CCSER1: variants seen among roughly 807,000 people sequenced by gnomAD.
CCSER1 encodes coiled-coil serine rich protein 1.
Under a neutral mutation model 82.0 loss-of-function variants are expected in CCSER1, and 41 were observed. The ratio of observed to expected loss-of-function variants is 0.50; its 90% CI spans 0.39 to 0.65. The LOEUF is 0.65. Ranked by LOEUF, CCSER1 falls within the 30% of genes least tolerant of loss-of-function variation. The probability of loss-of-function intolerance (pLI) is 0.00; values close to 1 mark genes in which losing one functional copy is unlikely to be tolerated. For missense variants in CCSER1, 1,119 were observed against 1,064.2 expected (o/e 1.05, Z -0.72); for synonymous variants, 414 against 383.9 (o/e 1.08, Z -0.92).
At chr4:90,735,030 GA>G (rs1227272010) in intron 7 of CCSER1, among the ~76,000 whole-genome samples, 1 of 152,052 alleles carries the variant, frequency 6.6e-6, no homozygotes, top group Non-Finnish European at 1.5e-5. Context: ...TTTTTATCAT[GA>G]AAGAGTGTGG....
chr4:91,441,563 G>A (rs1438038355), intron 10 of CCSER1, among the ~76,000 whole-genome samples: 2 of 152,150 alleles, frequency 1.3e-5, no homozygotes, highest in African/African-American at 4.8e-5. Flanking sequence ...ACTGGCACAA[G>A]ACAGGGATGC....
At chr4:90,856,214 A>G (rs373087960) in intron 8 of CCSER1, among the ~76,000 whole-genome samples, 8 of 152,122 alleles carry the variant, frequency 5.3e-5, no homozygotes, top group South Asian at 2.1e-4. Flanking sequence ...AATGGAGCAG[A>G]TGGAGTAGCT....
rs114382415 is a variant in CCSER1, at chr4:91,280,299, G to A, written c.2217+194305G>A. On this transcript the variant is annotated intron_variant, in intron 10 of 10. Transcript: ENST00000509176. ...GTGGGAAGTTTCTTGGGCCTCTGGA[G>A]ACCACCCAAGTTGGTATTGCATGGG... 1.5e-3 allele frequency among the ~76,000 whole-genome samples: 235 copies of A among 152,306 alleles called. 1 individual carries two copies. The highest frequency in any genetic ancestry group is 5.2e-3 in the African/African-American group (217 of 41,570).
rs1288061851 is a variant in CCSER1 at position 90,270,062 on chromosome 4, A to G, written c.-41-38182A>G. On this transcript the variant is annotated intron_variant, in intron 1 of 10. Transcript: ENST00000509176. ...TCCAGAAAAGAAAAGCCCAAGACCC[A>G]ATGGATTCACTGCTGAATTTTTCCA... 2.6e-5 allele frequency among the ~76,000 whole-genome samples: 4 copies of G among 152,046 alleles called. No individual in the cohort carries two copies. The East Asian group carries it at 7.7e-4, about 29-fold the overall frequency.
chr4:90,908,405 G>T (rs569066412), intron 8 of CCSER1, among the ~76,000 whole-genome samples: 2 of 152,008 alleles, frequency 1.3e-5, no homozygotes, highest in East Asian at 3.9e-4. Flanking sequence ...TGAGATGAAG[G>T]TGATAAAATA....
At chr4:91,167,776 C>T (rs982794040) in intron 10 of CCSER1, among the ~76,000 whole-genome samples, 1 of 152,208 alleles carries the variant, frequency 6.6e-6, no homozygotes, top group Non-Finnish European at 1.5e-5. Flanking sequence ...ATTTGAGTCT[C>T]TTTCTACCTT....
intron 6 of CCSER1, among the ~76,000 whole-genome samples, chr4:90,703,162 A>G (rs760168819): frequency 2.4e-4 from 36 of 152,024 alleles, no homozygotes; most frequent in Non-Finnish European, 4.7e-4. Context: ...CACATATTCT[A>G]TTATGCTGTG....
At chr4:91,523,891 T>G (rs1398655665) in intron 10 of CCSER1, among the ~76,000 whole-genome samples, 1 of 152,190 alleles carries the variant, frequency 6.6e-6, no homozygotes, top group Admixed American at 6.5e-5. Flanking sequence ...TGCTCTGATC[T>G]TAGTTACTTC....
At chr4:90,399,166 TATATACAA>T (rs1413582188) in intron 3 of CCSER1, among the ~76,000 whole-genome samples, 1 of 152,144 alleles carries the variant, frequency 6.6e-6, no homozygotes, top group East Asian at 1.9e-4. Context: ...CCCATTTATA[TATATACAA>T]ATATACAAAT....
At chr4:91,125,906 CT>C (rs1195083722) in intron 10 of CCSER1, among the ~76,000 whole-genome samples, 1 of 151,450 alleles carries the variant, frequency 6.6e-6, no homozygotes, top group African/African-American at 2.4e-5. Flanking sequence ...TAGTGAAAGA[CT>C]GGGTTTAATC....
At chr4:90,283,307 A>T (rs1461435209) in intron 1 of CCSER1, among the ~76,000 whole-genome samples, 1 of 151,926 alleles carries the variant, frequency 6.6e-6, no homozygotes, top group Admixed American at 6.6e-5. Flanking sequence ...ATAATATTCA[A>T]GTTAAGTATA....
At chr4:90,273,025 A>AC (rs564500433) in intron 1 of CCSER1, among the ~76,000 whole-genome samples, 91 of 152,054 alleles carry the variant, frequency 6.0e-4, no homozygotes, top group Middle Eastern at 3.4e-3. Flanking sequence ...AAACAAACAA[A>AC]AAAAAACAGA....
intron 10 of CCSER1, among the ~76,000 whole-genome samples, chr4:91,358,823 G>T (rs555196324): frequency 6.6e-6 from 1 of 152,072 alleles, no homozygotes; most frequent in Non-Finnish European, 1.5e-5. Flanking sequence ...ACCCGGGAGC[G>T]CTCTTTGGAT....
At chr4:91,017,479 G>T (rs1188564084) in intron 9 of CCSER1, among the ~76,000 whole-genome samples, 3 of 152,096 alleles carry the variant, frequency 2.0e-5, no homozygotes, top group African/African-American at 4.8e-5. Context: ...CGTGTAATGG[G>T]GGTTTGTGGT....
At chr4:90,199,275 TTTATTAATA>T (rs1203557039) in intron 1 of CCSER1, among the ~76,000 whole-genome samples, 1 of 152,216 alleles carries the variant, frequency 6.6e-6, no homozygotes, top group Non-Finnish European at 1.5e-5. Context: ...ATTTTAACAT[TTTATTAATA>T]TTAGAATAGC....
In CCSER1 at chr4:90,255,255, A is replaced by C. The variant is rs890446470; in HGVS notation, c.-41-52989A>C. Among the ~76,000 whole-genome samples, 3 of 152,296 alleles carry C rather than the reference A, an allele frequency of 2.0e-5. No individual in the cohort carries two copies. The East Asian group carries it at 5.8e-4, about 29-fold the overall frequency. ...AAAATTACATAGAACTATTTGAATA[A>C]GCATAACCATATATTTTTTTTTTCT... On this transcript the variant is annotated intron_variant, in intron 1 of 10. Coordinates refer to ENST00000509176, the MANE Select transcript of CCSER1 (RefSeq NM_001145065.2).
intron 1 of CCSER1, among the ~76,000 whole-genome samples, chr4:90,165,463 G>A (rs547781504): frequency 6.6e-6 from 1 of 152,040 alleles, no homozygotes; most frequent in South Asian, 2.1e-4. Flanking sequence ...GGGTGGCTTA[G>A]AATTAAACCA....
chr4:91,396,050 T>G (rs1490285363), intron 10 of CCSER1, among the ~76,000 whole-genome samples: 2 of 152,118 alleles, frequency 1.3e-5, no homozygotes, highest in Non-Finnish European at 2.9e-5. Context: ...TAGATAGCAA[T>G]TCAGCCATTG....
intron 7 of CCSER1, among the ~76,000 whole-genome samples, chr4:90,770,663 A>G (rs1013332106): frequency 2.0e-5 from 3 of 151,694 alleles, no homozygotes; most frequent in East Asian, 1.9e-4. Context: ...CTGTCATTCT[A>G]TTTCCCTCTA....
Sources: allele counts gnomAD v4.1 joint callset (sites outside exome capture counted in the v4.1 genomes callset), GRCh38; gene constraint gnomAD v4.1.1; transcripts MANE v1.5; gene names NCBI Gene and HGNC (gene_info 2026-07-23, HGNC 2026-07-21).